Variants in ENTPD1 observed in about 807,000 individuals in gnomAD.
ENTPD1 encodes the protein ATP diphosphohydrolase.
Under a neutral mutation model 57.0 loss-of-function variants are expected in ENTPD1, and 33 were observed. The ratio of observed to expected loss-of-function variants is 0.58; its 90% confidence interval spans 0.44 to 0.77. The LOEUF (loss-of-function observed/expected upper bound fraction) is 0.77. ENTPD1 is among the 30% of genes least tolerant of loss of function. The pLI is 0.00. For synonymous variants in ENTPD1, 202 were observed against 218.8 expected (o/e 0.92, Z 0.68); for missense variants, 501 against 603.4 (o/e 0.83, Z 1.78).
intron 1 of ENTPD1, among the ~76,000 whole-genome samples, chr10:95,747,496 C>T (rs1240026648): frequency 6.6e-6 from 1 of 152,164 alleles, no homozygotes; most frequent in Non-Finnish European, 1.5e-5. Flanking sequence ...GAACAGAATG[C>T]TCATCTTCCA....
At chr10:95,696,274 T>TTAAG in the ENTPD1 span, among the ~76,000 whole-genome samples, 3 of 152,148 alleles carry the variant, frequency 2.0e-5, no homozygotes, top group Admixed American at 6.6e-5. Context: ...ATTTATTGAT[T>TTAAG]TAATTAATTA....
intron 1 of ENTPD1, among the ~76,000 whole-genome samples, chr10:95,757,269 CTACT>C (rs1353531602): frequency 6.6e-6 from 1 of 152,328 alleles, no homozygotes; most frequent in East Asian, 1.9e-4. Context: ...ATTACATGTG[CTACT>C]TACTTGTCAC....
At chr10:95,816,220 A>G (rs534753782) in intron 1 of ENTPD1, among the ~76,000 whole-genome samples, 6 of 152,278 alleles carry the variant, frequency 3.9e-5, no homozygotes, top group Non-Finnish European at 8.8e-5. Context: ...TCATTTTTAG[A>G]GAGGCAATGT....
Position 95,876,778 on chromosome 10 carries a change from C to A in ENTPD1, c.*10395C>A. 3.7e-6 allele frequency: 2 copies of A among 543,660 alleles called. No individual in the cohort carries two copies. Among genetic ancestry groups the A allele is most frequent in the Non-Finnish European group, 5.1e-6 (2 of 395,322 alleles). 33.7% of individuals were successfully genotyped at this position (543,660 alleles called of 1,614,324 possible). ...ATCACAGAACTTCACTGATTATCAT[C>A]ATTTAGCCAGTCTTGAAGAAGCAAG... On this transcript the variant is annotated 3_prime_UTR_variant, in exon 10 of 10. Coordinates refer to ENST00000371205, the MANE Select transcript of ENTPD1 (RefSeq NM_001776.6).
chr10:95,750,120 C>T (rs2098010174), intron 1 of ENTPD1, among the ~76,000 whole-genome samples: 4 of 152,112 alleles, frequency 2.6e-5, no homozygotes, highest in Admixed American at 2.6e-4. Context: ...AAATGTGACT[C>T]CAAGGTTTAA....
intron 1 of ENTPD1, among the ~76,000 whole-genome samples, chr10:95,794,595 G>A (rs891248202): frequency 3.3e-5 from 5 of 152,144 alleles, no homozygotes; most frequent in Admixed American, 6.5e-5. Context: ...GTATATATCC[G>A]GAATTGAGGA....
At chr10:95,715,176 A>G (rs1239776166) in intron 1 of ENTPD1, among the ~76,000 whole-genome samples, 1 of 152,202 alleles carries the variant, frequency 6.6e-6, no homozygotes, top group Non-Finnish European at 1.5e-5. Context: ...ATTTCAGATA[A>G]CTGAGTCATA....
Position 95,780,560 on chromosome 10 carries a change from T to C in ENTPD1, c.16+24305T>C, listed in dbSNP as rs771666691. ...GTCTGCTTTTTGTAATTTTTTTCCC[T>C]TCTCCCTGTCATTGTAAATAGAATA... On this transcript the variant is annotated intron_variant, in intron 1 of 9. Transcript: ENST00000371205. Among the ~76,000 whole-genome samples, 130 of 152,358 alleles carry C rather than the reference T, an allele frequency of 8.5e-4. 1 individual carries two copies. Among genetic ancestry groups the C allele is most frequent in the Middle Eastern group, 6.8e-3 (2 of 294 alleles).
intron 1 of ENTPD1, among the ~76,000 whole-genome samples, chr10:95,807,139 G>C (rs969399742): frequency 6.6e-6 from 1 of 152,108 alleles, no homozygotes; most frequent in Non-Finnish European, 1.5e-5. Context: ...AGGTAGTAGG[G>C]CTTGCTGAGC....
At chr10:95,760,686 G>A (rs994610839) in intron 1 of ENTPD1, among the ~76,000 whole-genome samples, 3 of 152,018 alleles carry the variant, frequency 2.0e-5, no homozygotes, top group African/African-American at 4.8e-5. Flanking sequence ...TTGTTTCTCC[G>A]CTCTTTATAA....
chr10:95,722,707 A>G (rs971281670), intron 1 of ENTPD1, among the ~76,000 whole-genome samples: 10 of 152,244 alleles, frequency 6.6e-5, no homozygotes, highest in East Asian at 5.8e-4. Flanking sequence ...TTTTTTCTCA[A>G]TCACCTGGGA....
chr10:95,699,469 G>A, the ENTPD1 span, among the ~76,000 whole-genome samples: 4 of 151,962 alleles, frequency 2.6e-5, no homozygotes, highest in East Asian at 1.9e-4. Flanking sequence ...TTAGCCAGGT[G>A]TGGTAGTGCA....
intron 1 of ENTPD1, among the ~76,000 whole-genome samples, chr10:95,786,907 C>A (rs1463441990): frequency 3.3e-5 from 5 of 152,158 alleles, no homozygotes; most frequent in African/African-American, 7.2e-5. Context: ...GTTCATATGG[C>A]AGTTTCTTAT....
chr10:95,846,713 C>A (rs117795525), intron 6 of ENTPD1, among the ~76,000 whole-genome samples: 20 of 152,116 alleles, frequency 1.3e-4, no homozygotes, highest in African/African-American at 4.6e-4. Flanking sequence ...TTGGGCCAGG[C>A]GTGGTGGCTC....
At chr10:95,755,674 A>G, upstream of ENTPD1, 1 of 1,536,966 alleles carries the variant, frequency 6.5e-7, no homozygotes, top group Non-Finnish European at 8.7e-7. Context: ...TGCTCTAATG[A>G]GCCTTGAGAA....
upstream of ENTPD1, chr10:95,754,158 A>G (rs2098016765): frequency 6.6e-6 from 1 of 151,622 alleles, no homozygotes; most frequent in Non-Finnish European, 1.5e-5. Context: ...AAAATACACA[A>G]ATTAGCTGGG....
At chr10:95,736,124 C>T (rs1051238629) in intron 1 of ENTPD1, among the ~76,000 whole-genome samples, 1 of 151,772 alleles carries the variant, frequency 6.6e-6, no homozygotes, top group Non-Finnish European at 1.5e-5. Context: ...CCTCAGCCTC[C>T]AGAGTAGCTG....
At chr10:95,796,274 T>C (rs2098225541) in intron 1 of ENTPD1, among the ~76,000 whole-genome samples, 1 of 152,156 alleles carries the variant, frequency 6.6e-6, no homozygotes, top group South Asian at 2.1e-4. Context: ...TTAAAGGCTA[T>C]TATAGCATTG....
chr10:95,780,403 G>A (rs768452042), intron 1 of ENTPD1, among the ~76,000 whole-genome samples: 33 of 152,176 alleles, frequency 2.2e-4, no homozygotes, highest in Non-Finnish European at 2.9e-4. Context: ...GCACACATGC[G>A]TATTGAATGA....
Sources: gnomAD v4.1 joint callset for allele counts (sites outside exome capture counted in the v4.1 genomes callset) on GRCh38, gnomAD v4.1.1 for gene constraint, MANE v1.5 for transcripts, NCBI Gene and HGNC (gene_info 2026-07-23, HGNC 2026-07-21) for gene names.